TSHR: variants seen among roughly 807,000 people sequenced by gnomAD.
TSHR encodes thyrotropin receptor.
TSHR carries 51 observed loss-of-function variants against 64.1 expected under a neutral mutation model. The ratio of observed to expected loss-of-function variants is 0.80; its 90% CI spans 0.64 to 1.01. TSHR has a LOEUF of 1.01. Among genes scored for constraint, TSHR ranks in the 50% least tolerant of loss-of-function variants. TSHR has a pLI of 0.00. For synonymous variants in TSHR, 361 were observed against 361.9 expected, an observed-to-expected ratio of 1.00 and a Z score of 0.03; for missense variants, 877 against 942.8, an observed-to-expected ratio of 0.93 and a Z score of 0.91.
At chr14:81,113,704 A>G (rs529668421) in intron 8 of TSHR, among the ~76,000 whole-genome samples, 65 of 133,144 alleles carry the variant, frequency 4.9e-4, no homozygotes, top group African/African-American at 2.3e-3. Context: ...TTCAAAAACC[A>G]AGAGAGAGCT....
intron 6 of TSHR, among the ~76,000 whole-genome samples, chr14:81,095,158 T>C (rs1889073184): frequency 2.0e-5 from 3 of 152,190 alleles, no homozygotes; most frequent in African/African-American, 7.2e-5. Context: ...CTGTCTTCTC[T>C]TATCTTCATG....
chr14:81,023,375 A>T (rs1212170848), intron 1 of TSHR, among the ~76,000 whole-genome samples: 2 of 152,144 alleles, frequency 1.3e-5, no homozygotes, highest in Non-Finnish European at 2.9e-5. Context: ...AATTCAAGAT[A>T]AATTTGGGTG....
At chr14:81,009,250 T>C (rs1889781229) in intron 1 of TSHR, among the ~76,000 whole-genome samples, 1 of 152,184 alleles carries the variant, frequency 6.6e-6, no homozygotes, top group Non-Finnish European at 1.5e-5. Flanking sequence ...AAAATGAAGT[T>C]TCTAGGGTTT....
Position 81,029,547 on chromosome 14 carries a change from C to T in TSHR, c.171-32601C>T, listed in dbSNP as rs555174351. Reference sequence around the variant, plus strand: ...AGAAAATAAGTAAAAATATATGTGACTTGATTTTCAGTTTGAAAATGTGTT... The same window carrying T: ...AGAAAATAAGTAAAAATATATGTGATTTGATTTTCAGTTTGAAAATGTGTT... On this transcript the variant is annotated intron_variant, in intron 1 of 9. Coordinates refer to ENST00000298171, the MANE Select transcript of TSHR (RefSeq NM_000369.5). Among the ~76,000 whole-genome samples the T allele has an allele frequency of 2.4e-4, 37 of 152,026 alleles. No homozygotes were observed. In the East Asian group the frequency reaches 7.0e-3, roughly 29 times the overall value.
chr14:81,096,253 A>T (rs1889180537), intron 6 of TSHR, among the ~76,000 whole-genome samples: 1 of 152,198 alleles, frequency 6.6e-6, no homozygotes, highest in South Asian at 2.1e-4. Context: ...AATGTCTTTC[A>T]AAATGTTTAT....
chr14:81,008,300 T>C (rs1024332227), intron 1 of TSHR, among the ~76,000 whole-genome samples: 1 of 151,772 alleles, frequency 6.6e-6, no homozygotes, highest in Non-Finnish European at 1.5e-5. Context: ...AGCCTCCCAA[T>C]TAGCTGGGAC....
At chr14:81,082,186 T>C (rs1887951860) in intron 3 of TSHR, among the ~76,000 whole-genome samples, 2 of 152,208 alleles carry the variant, frequency 1.3e-5, no homozygotes, top group South Asian at 4.1e-4. Context: ...ACTTGTTCTC[T>C]GTCACTAGTG....
chr14:81,028,963 T>TTA (rs1215632143), intron 1 of TSHR, among the ~76,000 whole-genome samples: 1 of 151,778 alleles, frequency 6.6e-6, no homozygotes, highest in Admixed American at 6.6e-5. Context: ...AGGAGTCTAT[T>TTA]ATCACAGAGC....
chr14:81,039,874 T>A (rs1884835546), intron 1 of TSHR, among the ~76,000 whole-genome samples: 1 of 152,030 alleles, frequency 6.6e-6, no homozygotes, highest in Admixed American at 6.6e-5. Flanking sequence ...AAAATTAATA[T>A]TAAAATGTCC....
chr14:81,122,431 A>T (rs1379942547), intron 8 of TSHR, among the ~76,000 whole-genome samples: 1 of 151,506 alleles, frequency 6.6e-6, no homozygotes, highest in Non-Finnish European at 1.5e-5. Flanking sequence ...AAAGAGAGAG[A>T]CAGATGGACA....
At chr14:81,092,399 T>C in intron 5 of TSHR, 132 bp from the exon 6 acceptor site, 1 of 863,978 alleles carries the variant, frequency 1.2e-6, no homozygotes, top group South Asian at 1.4e-5. Flanking sequence ...TTAAGAAGGG[T>C]CAGTGAAACT....
At chr14:81,054,617 G>T (rs187898486) in intron 1 of TSHR, among the ~76,000 whole-genome samples, 1 of 152,316 alleles carries the variant, frequency 6.6e-6, no homozygotes, top group South Asian at 2.1e-4. Context: ...TGAGGAACTT[G>T]TTGGGAACTG....
chr14:81,023,277 G>A (rs1199301383), intron 1 of TSHR, among the ~76,000 whole-genome samples: 2 of 151,972 alleles, frequency 1.3e-5, no homozygotes, highest in East Asian at 3.9e-4. Flanking sequence ...CCTTTGGGGA[G>A]TCTCAAGCCT....
chr14:80,985,341 T>C (rs1888388048), intron 1 of TSHR, among the ~76,000 whole-genome samples: 1 of 152,272 alleles, frequency 6.6e-6, no homozygotes, highest in South Asian at 2.1e-4. Flanking sequence ...TTTATTCTCC[T>C]ATGTGTCCTA....
chr14:81,072,547 G>T (rs925782479), intron 3 of TSHR, among the ~76,000 whole-genome samples: 1 of 151,986 alleles, frequency 6.6e-6, no homozygotes, highest in African/African-American at 2.4e-5. Context: ...ACAAAAAAGC[G>T]AGAAATTGGA....
At chr14:81,089,626 T>C (rs1371867870) in intron 4 of TSHR, among the ~76,000 whole-genome samples, 1 of 152,126 alleles carries the variant, frequency 6.6e-6, no homozygotes, top group Non-Finnish European at 1.5e-5. Context: ...GTTCAGGTAA[T>C]TAGAGAAGAC....
chr14:81,074,098 G>T (rs535917121), intron 3 of TSHR, among the ~76,000 whole-genome samples: 1 of 152,054 alleles, frequency 6.6e-6, no homozygotes, highest in African/African-American at 2.4e-5. Context: ...TCTACTCTGA[G>T]CAAAAGTGTT....
chr14:81,099,835 T>C (rs977474118), intron 7 of TSHR, among the ~76,000 whole-genome samples: 6 of 152,244 alleles, frequency 3.9e-5, no homozygotes, highest in African/African-American at 1.4e-4. Flanking sequence ...TGGTCATGTT[T>C]AGAGAACTCT....
rs533336801 is a variant in TSHR at position 81,139,512 on chromosome 14, C to A, written c.693-167C>A. On this transcript the variant is annotated intron_variant, in intron 8 of 9. Coordinates refer to ENST00000298171, the MANE Select transcript of TSHR (RefSeq NM_000369.5). Reference sequence around the variant, plus strand: ...GTTCCTATAACACAGGCTTAGAAGCCTAATATCCATCCCTCCTTAGACCAG... The same window carrying A: ...GTTCCTATAACACAGGCTTAGAAGCATAATATCCATCCCTCCTTAGACCAG... 5.3e-5 allele frequency among the ~76,000 whole-genome samples: 8 copies of A among 152,296 alleles called. No individual in the cohort carries two copies. The East Asian group carries it at 1.5e-3, about 29-fold the overall frequency.
Sources: allele counts gnomAD v4.1 joint callset (sites outside exome capture counted in the v4.1 genomes callset), GRCh38; gene constraint gnomAD v4.1.1; transcripts MANE v1.5; gene names NCBI Gene and HGNC (gene_info 2026-07-23, HGNC 2026-07-21).